Variants in SEC14L5 observed in about 807,000 individuals in gnomAD.
The protein encoded by SEC14L5 is SEC14 like lipid binding 5, also known as SEC14-like protein 5.
In SEC14L5, 96 loss-of-function variants were observed where a neutral mutation model predicts 84.6. That is an observed-to-expected ratio of 1.13 (90% confidence interval 0.96 to 1.34). SEC14L5 has a LOEUF of 1.34. Ranked by LOEUF, SEC14L5 falls within the 40% of genes most tolerant of loss-of-function variation. The pLI, the probability that SEC14L5 is intolerant of heterozygous loss-of-function variation, is 0.00. For missense variants in SEC14L5, 1,224 were observed against 942.5 expected (o/e 1.30, Z -3.91); for synonymous variants, 546 against 383.4 (o/e 1.42, Z -4.95).
chr16:4,983,354 T>C (rs1216601356), intron 2 of SEC14L5, among the ~76,000 whole-genome samples: 1 of 151,252 alleles, frequency 6.6e-6, no homozygotes, highest in East Asian at 1.9e-4. Context: ...TGTATCCATA[T>C]ATGAAATAAT....
In SEC14L5 at chr16:4,996,959, C is replaced by A. The variant is rs367712638; in HGVS notation, c.885C>A (p.His295Gln). The A allele has an allele frequency of 1.2e-6, 2 of 1,613,510 alleles. No homozygotes were observed. Among genetic ancestry groups the A allele is most frequent in the Non-Finnish European group, 1.7e-6 (2 of 1,179,722 alleles). The change falls in exon 8 of 16, where the codon CAC becomes CAA. Residue 295 changes from histidine (H) to glutamine (Q), a missense_variant. By Grantham distance (24) the His-to-Gln change is conservative. Coordinates refer to ENST00000251170, the MANE Select transcript of SEC14L5 (RefSeq NM_014692.2). ...AGTCCTTGAGCTGGCGCAAGCAGCA[C>A]CAGGTGGATCTCCTCCTTCAGACCT... ...LRQSLSWRKQHQVDLLLQTWQ... is the reference protein window; with the variant it reads ...LRQSLSWRKQQQVDLLLQTWQ...
chr16:4,988,273 G>A lies in SEC14L5; in HGVS notation c.338G>A (p.Ser113Asn). Reference protein sequence around the residue: ...ANRVVVNEHCSYTVHPENEDW... With the variant: ...ANRVVVNEHCNYTVHPENEDW... ...CGCGTGGTGGTGAACGAGCACTGCA[G>A]CTACACGGTGAGCCCAGGCCACCCT... Residue 113 changes from serine to asparagine, a missense_variant, in exon 4 of 16, where the codon AGC becomes AAC. Transcript: ENST00000251170. The A allele has an allele frequency of 6.2e-7, 1 of 1,613,684 alleles. No individual in the cohort carries two copies. The highest frequency in any genetic ancestry group is 1.1e-5 in the South Asian group (1 of 91,070).
chr16:5,007,423 C>G lies in SEC14L5; in HGVS notation c.1509C>G (p.Asp503Glu), dbSNP rs1380773972. Residue 503 changes from aspartate to glutamate, a missense_variant, in exon 13 of 16, where the codon GAC becomes GAG. Transcript: ENST00000251170. ...YMTEEEQEHT[D>E]QLWQWSETYH... is the part of the protein sequence containing the mutation. ...CAGAAGAGGAGCAGGAGCACACGGA[C>G]CAGCTGTGGCAGTGGAGTGAGACCT... 3 of 1,613,826 alleles carry G rather than the reference C, an allele frequency of 1.9e-6. No homozygotes were observed. The highest frequency in any genetic ancestry group is 4.5e-5 in the East Asian group (2 of 44,874).
intron 12 of SEC14L5, among the ~76,000 whole-genome samples, chr16:5,006,404 G>T (rs1179936089): frequency 6.6e-6 from 1 of 152,200 alleles, no homozygotes; most frequent in Non-Finnish European, 1.5e-5. Context: ...ATTCACTGCA[G>T]GGGAGGTGAC....
intron 11 of SEC14L5, among the ~76,000 whole-genome samples, chr16:5,003,875 C>A (rs533435417): frequency 6.6e-5 from 10 of 152,250 alleles, no homozygotes; most frequent in African/African-American, 9.6e-5. Context: ...GTCCTCTTGC[C>A]TTGGCTTCCC....
At chr16:4,992,826 C>T (rs9972849) in intron 6 of SEC14L5, among the ~76,000 whole-genome samples, 35,264 of 152,144 alleles carry the variant, frequency 0.23, 4,942 homozygotes, top group Non-Finnish European at 0.29. Context: ...TGCATATATG[C>T]ACATAAAATG....
intron 2 of SEC14L5, among the ~76,000 whole-genome samples, chr16:4,962,518 TC>T (rs749244055): frequency 2.0e-5 from 3 of 152,066 alleles, no homozygotes; most frequent in Admixed American, 6.6e-5. Flanking sequence ...TAAAACCTTG[TC>T]TCTACTAAAA....
intron 2 of SEC14L5, among the ~76,000 whole-genome samples, chr16:4,969,454 G>A (rs1057010580): frequency 6.6e-6 from 1 of 151,240 alleles, no homozygotes; most frequent in African/African-American, 2.4e-5. Context: ...GTGCCATCTC[G>A]CGCATGGCAA....
At chr16:4,983,460 T>G (rs1955448271) in intron 2 of SEC14L5, among the ~76,000 whole-genome samples, 1 of 149,844 alleles carries the variant, frequency 6.7e-6, no homozygotes, top group Non-Finnish European at 1.5e-5. Flanking sequence ...GTTTATAAAA[T>G]TATATTATAC....
chr16:5,015,320 A>G lies in SEC14L5; in HGVS notation c.*350A>G, dbSNP rs1010787987. The G allele has an allele frequency of 4.1e-6, 1 of 241,970 alleles. No homozygotes were observed. Among genetic ancestry groups the G allele is most frequent in the Non-Finnish European group, 8.1e-6 (1 of 124,204 alleles). The allele number at this position is 241,970 out of a possible 1,614,324, so 15.0% of individuals were successfully genotyped here. On this transcript the variant is annotated 3_prime_UTR_variant, in exon 16 of 16. Coordinates refer to ENST00000251170, the MANE Select transcript of SEC14L5 (RefSeq NM_014692.2). ...ACCTCTTGCTCTGCTTTCGCCATGC[A>G]GGGGACCATCACTATCAGGTGCCCT... is the stretch of plus-strand genomic sequence containing the variant.
chr16:4,980,965 G>A (rs1273706702), intron 2 of SEC14L5, among the ~76,000 whole-genome samples: 1 of 151,764 alleles, frequency 6.6e-6, no homozygotes, highest in African/African-American at 2.4e-5. Context: ...GGGACACGTC[G>A]ATGTATTGTT....
chr16:4,981,319 C>T (rs1446058721), intron 2 of SEC14L5, among the ~76,000 whole-genome samples: 1 of 131,094 alleles, frequency 7.6e-6, no homozygotes, highest in Non-Finnish European at 1.5e-5. Flanking sequence ...ACCATATTGG[C>T]CAGGCTGGTC....
In SEC14L5 at chr16:5,009,652, C is replaced by T. The variant is rs148018343; in HGVS notation, c.1800+1004C>T. ...CCCTAAATCCTTAACCACAAAGACT[C>T]TATTTCCAGATAAGGTCACGTTCTG... On this transcript the variant is annotated intron_variant, in intron 14 of 15. Coordinates refer to ENST00000251170, the MANE Select transcript of SEC14L5 (RefSeq NM_014692.2). 1.7e-4 allele frequency among the ~76,000 whole-genome samples: 26 copies of T among 152,160 alleles called. No homozygotes were observed. In the East Asian group the frequency reaches 4.3e-3, roughly 25 times the overall value.
Position 5,017,761 on chromosome 16 carries a change from T to C in SEC14L5, c.*2791T>C, listed in dbSNP as rs1262316818. 1 of 152,184 alleles carries C rather than the reference T, an allele frequency of 6.6e-6. No homozygotes were observed. The highest frequency in any genetic ancestry group is 1.9e-4 in the East Asian group (1 of 5,194). The allele number at this position is 152,184 out of a possible 1,614,324, so 9.4% of individuals were successfully genotyped here. On this transcript the variant is annotated 3_prime_UTR_variant, in exon 16 of 16. Coordinates refer to ENST00000251170, the MANE Select transcript of SEC14L5 (RefSeq NM_014692.2). The stretch of plus-strand genomic sequence containing the variant: ...TCTGCTACGGCCGGCTCTCCTCCCA[T>C]GTGGAGGTCTCGGGGACCCACGTGG...
intron 2 of SEC14L5, among the ~76,000 whole-genome samples, chr16:4,963,458 G>A (rs910634444): frequency 6.6e-6 from 1 of 152,164 alleles, no homozygotes; most frequent in African/African-American, 2.4e-5. Context: ...TGATTCTCTT[G>A]CTTCAGCCCC....
At position 5,000,997 on chromosome 16, in the gene SEC14L5, A is replaced by G. The variant is rs1955670787; in HGVS notation, c.1130+72A>G. On this transcript the variant is annotated intron_variant, in intron 10 of 15. Transcript: ENST00000251170. Reference sequence around the variant, plus strand: ...GAGGGTGGAGAGGGGTCCACTGTGCATATGTGCTGGGCTGGGCAGCGTGCC... The same window carrying G: ...GAGGGTGGAGAGGGGTCCACTGTGCGTATGTGCTGGGCTGGGCAGCGTGCC... 8.3e-6 allele frequency: 10 copies of G among 1,207,210 alleles called. No individual in the cohort carries two copies. In the South Asian group the frequency reaches 1.0e-4, roughly 12 times the overall value. 74.8% of individuals were successfully genotyped at this position (1,207,210 alleles called of 1,614,324 possible). A position where few individuals can be genotyped will look rare whatever the true frequency, so the allele number is the denominator to read the frequency against.
In SEC14L5 at chr16:5,000,997, A is replaced by T. The variant is rs1955670787; in HGVS notation, c.1130+72A>T. 1.2e-5 allele frequency: 15 copies of T among 1,207,328 alleles called. No individual in the cohort carries two copies. In the South Asian group the frequency reaches 1.5e-4, roughly 12 times the overall value. The allele number at this position is 1,207,328 out of a possible 1,614,324, so 74.8% of individuals were successfully genotyped here. A position where few individuals can be genotyped will look rare whatever the true frequency, so the allele number is the denominator to read the frequency against. Reference sequence around the variant, plus strand: ...GAGGGTGGAGAGGGGTCCACTGTGCATATGTGCTGGGCTGGGCAGCGTGCC... The same window carrying T: ...GAGGGTGGAGAGGGGTCCACTGTGCTTATGTGCTGGGCTGGGCAGCGTGCC... On this transcript the variant is annotated intron_variant, in intron 10 of 15. Coordinates refer to ENST00000251170, the MANE Select transcript of SEC14L5 (RefSeq NM_014692.2).
In SEC14L5 at chr16:5,016,927, C is replaced by G. The variant is rs1198131487; in HGVS notation, c.*1957C>G. On this transcript the variant is annotated 3_prime_UTR_variant, in exon 16 of 16. Transcript: ENST00000251170. ...TGTGTGCACATGTGTGCATAAGAGACCGACTGATTGGAAGGAGACGTTCTC... is the reference window on the plus strand; with the variant it reads ...TGTGTGCACATGTGTGCATAAGAGAGCGACTGATTGGAAGGAGACGTTCTC... 1 of 152,206 alleles carries G rather than the reference C, an allele frequency of 6.6e-6. No homozygotes were observed. Among genetic ancestry groups the G allele is most frequent in the East Asian group, 1.9e-4 (1 of 5,194 alleles). The allele number at this position is 152,206 out of a possible 1,614,324, so 9.4% of individuals were successfully genotyped here. A position where few individuals can be genotyped will look rare whatever the true frequency, so the allele number is the denominator to read the frequency against.
intron 5 of SEC14L5, among the ~76,000 whole-genome samples, chr16:4,991,120 C>T (rs967671551): frequency 1.4e-5 from 2 of 143,060 alleles, no homozygotes; most frequent in African/African-American, 5.2e-5. Flanking sequence ...GATGTCCAGG[C>T]TTATGTGGTG....
Sources: gnomAD v4.1 joint callset for allele counts (sites outside exome capture counted in the v4.1 genomes callset) on GRCh38, gnomAD v4.1.1 for gene constraint, MANE v1.5 for transcripts, NCBI Gene and HGNC (gene_info 2026-07-23, HGNC 2026-07-21) for gene names.